Variants in PPARGC1A observed in about 807,000 individuals in gnomAD.
PPARGC1A encodes peroxisome proliferator-activated receptor gamma coactivator 1-alpha.
PPARGC1A carries 25 observed loss-of-function variants against 88.7 expected under a neutral mutation model. That is an observed-to-expected ratio of 0.28 (90% CI 0.21 to 0.39). The LOEUF (loss-of-function observed/expected upper bound fraction) is 0.39. Ranked by LOEUF, PPARGC1A falls within the 10% of genes least tolerant of loss-of-function variation. The probability of loss-of-function intolerance (pLI) is 1.00; values close to 1 mark genes in which losing one functional copy is unlikely to be tolerated. For synonymous variants in PPARGC1A, 363 were observed against 355.6 expected (o/e 1.02, Z -0.24); for missense variants, 880 against 968.7 (o/e 0.91, Z 1.22).
At chr4:24,296,503 CT>C in the PPARGC1A span, among the ~76,000 whole-genome samples, 1 of 152,146 alleles carries the variant, frequency 6.6e-6, no homozygotes, top group Non-Finnish European at 1.5e-5. Context: ...GAGCCAGCCT[CT>C]TTATCTATGT....
chr4:24,259,882 T>G, the PPARGC1A span, among the ~76,000 whole-genome samples: 1 of 152,124 alleles, frequency 6.6e-6, no homozygotes, highest in Non-Finnish European at 1.5e-5. Flanking sequence ...CCACAAAGAC[T>G]CAGTGAAATG....
the PPARGC1A span, among the ~76,000 whole-genome samples, chr4:23,933,960 C>T: frequency 6.6e-6 from 1 of 152,166 alleles, no homozygotes; most frequent in South Asian, 2.1e-4. Flanking sequence ...GAACTGTCCA[C>T]TGGGGAAAGG....
At chr4:24,322,548 T>G in the PPARGC1A span, among the ~76,000 whole-genome samples, 2 of 152,206 alleles carry the variant, frequency 1.3e-5, no homozygotes, top group African/African-American at 2.4e-5. Context: ...TATGTGAGTG[T>G]GTGTGTGCAG....
intron 1 of PPARGC1A, among the ~76,000 whole-genome samples, chr4:23,895,318 TTC>T: frequency 6.6e-6 from 1 of 151,232 alleles, no homozygotes. Flanking sequence ...ATATATTTTT[TTC>T]TTTTTCTTTT....
At chr4:24,436,408 C>G in the PPARGC1A span, among the ~76,000 whole-genome samples, 515 of 152,372 alleles carry the variant, frequency 3.4e-3, 5 homozygotes, top group African/African-American at 0.012. Flanking sequence ...GAGTTGACAT[C>G]TATGAGCCAT....
intron 7 of PPARGC1A, among the ~76,000 whole-genome samples, chr4:23,816,892 C>T (rs189186933): frequency 4.9e-4 from 75 of 152,260 alleles, no homozygotes; most frequent in African/African-American, 1.8e-3. Flanking sequence ...TGCTTGGGCA[C>T]ATTTGTTGCA....
At chr4:24,445,564 G>A in the PPARGC1A span, among the ~76,000 whole-genome samples, 1 of 152,184 alleles carries the variant, frequency 6.6e-6, no homozygotes, top group African/African-American at 2.4e-5. Context: ...CAGGAAACAT[G>A]TTGGTATATG....
At chr4:24,276,350 C>T in the PPARGC1A span, among the ~76,000 whole-genome samples, 1 of 152,190 alleles carries the variant, frequency 6.6e-6, no homozygotes, top group East Asian at 1.9e-4. Context: ...CACAACCACG[C>T]AAATGCATGT....
intron 2 of PPARGC1A, among the ~76,000 whole-genome samples, chr4:23,850,391 G>C (rs866162822): frequency 6.6e-6 from 1 of 152,124 alleles, no homozygotes; most frequent in Non-Finnish European, 1.5e-5. Context: ...TGTCATAAAG[G>C]CCAAGTGAAA....
the PPARGC1A span, among the ~76,000 whole-genome samples, chr4:24,116,779 T>C: frequency 6.6e-6 from 1 of 152,146 alleles, no homozygotes; most frequent in Non-Finnish European, 1.5e-5. Flanking sequence ...TCAGACTGGA[T>C]TCTGTGAAAA....
the PPARGC1A span, among the ~76,000 whole-genome samples, chr4:24,031,241 C>T: frequency 6.6e-6 from 1 of 152,128 alleles, no homozygotes; most frequent in East Asian, 1.9e-4. Flanking sequence ...TCACTTGCTG[C>T]CTATCAGTCC....
At chr4:23,910,264 T>A in the PPARGC1A span, among the ~76,000 whole-genome samples, 173 of 73,670 alleles carry the variant, frequency 2.3e-3, 5 homozygotes, top group Non-Finnish European at 4.8e-3. Flanking sequence ...TTATATATAT[T>A]AATATATATT....
At chr4:24,020,362 T>C in the PPARGC1A span, among the ~76,000 whole-genome samples, 7 of 152,190 alleles carry the variant, frequency 4.6e-5, no homozygotes, top group African/African-American at 1.4e-4. Context: ...GGAGGATTTT[T>C]CCCCTTGCTT....
chr4:24,126,902 C>T, the PPARGC1A span, among the ~76,000 whole-genome samples: 3 of 152,142 alleles, frequency 2.0e-5, no homozygotes, highest in South Asian at 2.1e-4. Context: ...CAGGGCATCA[C>T]GAGGACTTCC....
chr4:24,194,620 G>A, the PPARGC1A span, among the ~76,000 whole-genome samples: 1 of 52,414 alleles, frequency 1.9e-5, no homozygotes, highest in Admixed American at 2.6e-4. Context: ...ACACGCGCGC[G>A]CACGCGCGCG....
At chr4:24,114,556 G>A in the PPARGC1A span, among the ~76,000 whole-genome samples, 1 of 152,192 alleles carries the variant, frequency 6.6e-6, no homozygotes, top group African/African-American at 2.4e-5. Context: ...TGACAACTCA[G>A]GGACTCATTC....
chr4:24,140,669 G>A, the PPARGC1A span, among the ~76,000 whole-genome samples: 1 of 152,136 alleles, frequency 6.6e-6, no homozygotes, highest in African/African-American at 2.4e-5. Flanking sequence ...ACAAAGAAAG[G>A]TGAATCTCTT....
At chr4:23,849,344 C>T (rs1728865854) in intron 2 of PPARGC1A, among the ~76,000 whole-genome samples, 1 of 152,158 alleles carries the variant, frequency 6.6e-6, no homozygotes, top group African/African-American at 2.4e-5. Context: ...AAACCGTATG[C>T]CATGTGAACT....
At chr4:24,139,324 G>A in the PPARGC1A span, among the ~76,000 whole-genome samples, 4 of 151,840 alleles carry the variant, frequency 2.6e-5, no homozygotes, top group African/African-American at 7.3e-5. Flanking sequence ...TAGTAGAGAC[G>A]GGGTTTCACC....
Sources: gnomAD v4.1 joint callset for allele counts (sites outside exome capture counted in the v4.1 genomes callset) on GRCh38, gnomAD v4.1.1 for gene constraint, MANE v1.5 for transcripts, NCBI Gene and HGNC (gene_info 2026-07-23, HGNC 2026-07-21) for gene names.